Variants in PALM2AKAP2 observed in about 807,000 individuals in gnomAD.
PALM2AKAP2 encodes PALM2 and AKAP2 fusion.
Under a neutral mutation model 71.5 loss-of-function variants are expected in PALM2AKAP2, and 37 were observed. The observed-to-expected ratio is 0.52, with a 90% confidence interval of 0.40 to 0.68. The LOEUF is 0.68. Ranked by LOEUF, PALM2AKAP2 falls within the 30% of genes least tolerant of loss-of-function variation. The pLI, the probability that PALM2AKAP2 is intolerant of heterozygous loss-of-function variation, is 0.00. For synonymous variants in PALM2AKAP2, 468 were observed against 478.8 expected, an observed-to-expected ratio of 0.98 and a Z score of 0.29; for missense variants, 1,224 against 1,191.8, an observed-to-expected ratio of 1.03 and a Z score of -0.40.
chr9:109,942,337 C>A (rs1308533968), intron 6 of PALM2AKAP2, among the ~76,000 whole-genome samples: 1 of 152,196 alleles, frequency 6.6e-6, no homozygotes, highest in Non-Finnish European at 1.5e-5. Flanking sequence ...GTCTGTCAGC[C>A]TGGGAAGCCC....
chr9:109,892,303 G>A (rs1258018266), intron 3 of PALM2AKAP2, among the ~76,000 whole-genome samples: 1 of 152,054 alleles, frequency 6.6e-6, no homozygotes, highest in Non-Finnish European at 1.5e-5. Context: ...TTCTCCTCTT[G>A]TCTCTGTGTC....
rs771684808 is a variant in PALM2AKAP2 at position 110,137,325 on chromosome 9, A to C, written c.1355A>C (p.Asn452Thr). The C allele has an allele frequency of 1.1e-5, 17 of 1,613,974 alleles. No homozygotes were observed. In the African/African-American group the frequency reaches 1.3e-4, roughly 13 times the overall value. The change falls in exon 2 of 4, where the codon AAC becomes ACC. Residue 452 changes from asparagine to threonine, a missense_variant. Physicochemically the swap from Asn to Thr is moderately conservative, Grantham distance 65. Transcript: ENST00000374525. ...TTCTACAGGCCTCTGGGGTCAGTCA[A>C]CTCAGACAAGCCACTGACTAATCCG...
At chr9:110,090,125 GTGTACCTTTGAACC>G in intron 1 of PALM2AKAP2, 1 of 293,816 alleles carries the variant, frequency 3.4e-6, no homozygotes, top group Non-Finnish European at 6.9e-6. Context: ...TGGTTCCAAA[GTGTACCTTTGAACC>G]GGAGAAGTCG....
intron 1 of PALM2AKAP2, among the ~76,000 whole-genome samples, chr9:109,642,544 G>T (rs1337132729): frequency 6.7e-6 from 1 of 150,154 alleles, no homozygotes; most frequent in African/African-American, 2.5e-5. Flanking sequence ...ATTTATTGGG[G>T]TTTCGGATTG....
intron 6 of PALM2AKAP2, among the ~76,000 whole-genome samples, chr9:109,956,706 C>T (rs80020620): frequency 0.01 from 1,560 of 152,242 alleles, 33 homozygotes; most frequent in African/African-American, 0.035. Context: ...TGTACCAGCT[C>T]GCTCCTGTTA....
At chr9:109,787,555 G>A (rs1827002788) in intron 1 of PALM2AKAP2, among the ~76,000 whole-genome samples, 1 of 152,146 alleles carries the variant, frequency 6.6e-6, no homozygotes, top group Non-Finnish European at 1.5e-5. Context: ...AACAGGTCAG[G>A]GGGCCAGCAT....
chr9:109,943,372 C>G, intron 6 of PALM2AKAP2: 1 of 1,613,988 alleles, frequency 6.2e-7, no homozygotes. Context: ...AGCTACAGAG[C>G]CAGCCCCAGG....
In PALM2AKAP2 at chr9:109,867,164, C is replaced by CTCTGTGTGTGTG. The variant is rs879237135; in HGVS notation, c.46-326_46-325insCTGTGTGTGTGT. Reference sequence around the variant, plus strand: ...TTAACACTGCACAGAACATGGTTCTCTGTGTGTGTGTGTGTGTGTGTGTGT... The same window carrying CTCTGTGTGTGTG: ...TTAACACTGCACAGAACATGGTTCTCTCTGTGTGTGTGTGTGTGTGTGTGTGTGTGTGTGTGT... On this transcript the variant is annotated intron_variant, in intron 1 of 9. Coordinates refer to the PALM2AKAP2 transcript ENST00000302798. The CTCTGTGTGTGTG allele has an allele frequency of 3.3e-3, 1,323 of 399,534 alleles. 1 individual carries two copies. The highest frequency in any genetic ancestry group is 5.5e-3 in the Non-Finnish European group (1,091 of 199,562). 24.7% of individuals were successfully genotyped at this position (399,534 alleles called of 1,614,324 possible).
intron 1 of PALM2AKAP2, among the ~76,000 whole-genome samples, chr9:109,749,826 C>A (rs536779675): frequency 6.6e-6 from 1 of 152,246 alleles, no homozygotes; most frequent in African/African-American, 2.4e-5. Context: ...TCCCCTGCTC[C>A]CAAGGAGTTC....
upstream of PALM2AKAP2, chr9:110,048,555 TGGGGA>T (rs756175260): frequency 2.6e-5 from 17 of 659,648 alleles, no homozygotes; most frequent in African/African-American, 1.4e-4. Flanking sequence ...TGTGGGTAGA[TGGGGA>T]GGGGAGGGGA....
intron 6 of PALM2AKAP2, among the ~76,000 whole-genome samples, chr9:109,959,555 G>T (rs1218579728): frequency 6.7e-6 from 1 of 149,834 alleles, no homozygotes; most frequent in Non-Finnish European, 1.5e-5. Context: ...TGAGGCTAGA[G>T]AATGGCATGA....
At chr9:109,796,350 A>C (rs1345999168) in intron 1 of PALM2AKAP2, among the ~76,000 whole-genome samples, 1 of 152,240 alleles carries the variant, frequency 6.6e-6, no homozygotes, top group East Asian at 1.9e-4. Context: ...CAGTCAGCAA[A>C]ATATTAGAAA....
At chr9:110,101,263 T>C (rs1224089169) in intron 1 of PALM2AKAP2, among the ~76,000 whole-genome samples, 1 of 152,074 alleles carries the variant, frequency 6.6e-6, no homozygotes, top group South Asian at 2.1e-4. Context: ...GTGGGGCTGC[T>C]CCTGGGAGGT....
chr9:109,907,880 G>T (rs922540214), intron 3 of PALM2AKAP2, among the ~76,000 whole-genome samples: 2 of 152,204 alleles, frequency 1.3e-5, no homozygotes, highest in African/African-American at 2.4e-5. Context: ...CACTGCCATA[G>T]CACCCCATGC....
At chr9:109,751,754 C>G (rs1186591139) in intron 1 of PALM2AKAP2, among the ~76,000 whole-genome samples, 2 of 152,166 alleles carry the variant, frequency 1.3e-5, no homozygotes, top group Admixed American at 6.6e-5. Flanking sequence ...AAAATGTCAT[C>G]TGAACCCAAA....
intron 1 of PALM2AKAP2, among the ~76,000 whole-genome samples, chr9:110,077,058 C>T (rs2118655562): frequency 6.6e-6 from 1 of 152,244 alleles, no homozygotes; most frequent in Non-Finnish European, 1.5e-5. Context: ...TGGTGGATAC[C>T]ACTCAGTGAG....
chr9:109,884,717 C>T (rs1451864103), intron 3 of PALM2AKAP2, among the ~76,000 whole-genome samples: 3 of 152,114 alleles, frequency 2.0e-5, no homozygotes, highest in Admixed American at 1.3e-4. Flanking sequence ...GTCTAAGTCA[C>T]CCCCAGCAAT....
chr9:109,739,542 C>T (rs900979989), intron 1 of PALM2AKAP2, among the ~76,000 whole-genome samples: 2 of 152,196 alleles, frequency 1.3e-5, no homozygotes, highest in African/African-American at 4.8e-5. Flanking sequence ...CTGCTCTTTC[C>T]TAGTTGAGGG....
intron 6 of PALM2AKAP2, among the ~76,000 whole-genome samples, chr9:110,000,980 G>A (rs1832671583): frequency 6.6e-6 from 1 of 152,118 alleles, no homozygotes; most frequent in South Asian, 2.1e-4. Context: ...TCACTCTGAT[G>A]GTAGTTTCTT....
Sources: allele counts gnomAD v4.1 joint callset (sites outside exome capture counted in the v4.1 genomes callset), GRCh38; gene constraint gnomAD v4.1.1; transcripts MANE v1.5; gene names NCBI Gene and HGNC (gene_info 2026-07-23, HGNC 2026-07-21).